The following TG variants were observed in gnomAD, a reference collection of about 807,000 sequenced individuals.
The protein encoded by TG is thyroglobulin, also known as thyroid hormones.
In TG, 270 loss-of-function variants were observed where a neutral mutation model predicts 324.7. The ratio of observed to expected loss-of-function variants is 0.83; its 90% CI spans 0.75 to 0.92. The LOEUF is 0.92. TG is among the 40% of genes least tolerant of loss of function. The probability of loss-of-function intolerance (pLI) is 0.00; values close to 1 mark genes in which losing one functional copy is unlikely to be tolerated. For missense variants in TG, 3,591 were observed against 3,456.4 expected (o/e 1.04, Z -0.98); for synonymous variants, 1,401 against 1,327.0 (o/e 1.06, Z -1.21).
At chr8:132,982,858 C>A (rs531335571) in intron 34 of TG, among the ~76,000 whole-genome samples, 3 of 152,184 alleles carry the variant, frequency 2.0e-5, no homozygotes. Context: ...CCACACGTTT[C>A]GACTCTCTGC....
chr8:133,117,515 C>T (rs1850797200), intron 45 of TG, among the ~76,000 whole-genome samples: 1 of 152,174 alleles, frequency 6.6e-6, no homozygotes, highest in Non-Finnish European at 1.5e-5. Context: ...GCCATTCATC[C>T]ATGTGGGAAA....
intron 6 of TG, among the ~76,000 whole-genome samples, chr8:132,882,244 A>G (rs1259108867): frequency 6.6e-6 from 1 of 152,236 alleles, no homozygotes; most frequent in Non-Finnish European, 1.5e-5. Context: ...GGAGCACAGG[A>G]TGGATTTAAT....
chr8:133,109,374 G>C (rs1228770115), intron 43 of TG, among the ~76,000 whole-genome samples: 2 of 152,202 alleles, frequency 1.3e-5, no homozygotes, highest in African/African-American at 4.8e-5. Flanking sequence ...TTCAATAGCT[G>C]TTATCCAGGC....
At chr8:132,959,498 A>T (rs1005563359) in intron 27 of TG, among the ~76,000 whole-genome samples, 3 of 152,224 alleles carry the variant, frequency 2.0e-5, no homozygotes, top group African/African-American at 7.2e-5. Context: ...TGATGCTGGG[A>T]CTTTTTTTGT....
In TG at chr8:133,039,970, CACACACACAT is replaced by C. The variant is rs771817597; in HGVS notation, c.7239+9956_7239+9965del. On this transcript the variant is annotated intron_variant, in intron 41 of 47. Transcript: ENST00000220616. ...ACTTGCATGCACACACACACACACA[CACACACACAT>C]ACACACACCATACTCACCTGGACAC... The C allele has an allele frequency of 4.1e-4, 610 of 1,494,878 alleles. 1 individual carries two copies. The highest frequency in any genetic ancestry group is 1.6e-3 in the East Asian group (58 of 37,104). The allele number at this position is 1,494,878 out of a possible 1,614,324, so 92.6% of individuals were successfully genotyped here. A position where few individuals can be genotyped will look rare whatever the true frequency, so the allele number is the denominator to read the frequency against.
chr8:133,125,139 T>G (rs1214187102), intron 45 of TG, among the ~76,000 whole-genome samples: 1 of 152,218 alleles, frequency 6.6e-6, no homozygotes, highest in African/African-American at 2.4e-5. Context: ...CAGATCCCCT[T>G]CCAGGTCCTA....
In TG at chr8:132,911,298, T is replaced by C. The variant is rs370512262; in HGVS notation, c.4003-79T>C. On this transcript the variant is annotated intron_variant, in intron 18 of 47. Transcript: ENST00000220616. Reference sequence around the variant, plus strand: ...ATTGAAGGAAGTAACATAAGCCAAGTTCTGGTTCCTGGTGTGGACCCAACA... The same window carrying C: ...ATTGAAGGAAGTAACATAAGCCAAGCTCTGGTTCCTGGTGTGGACCCAACA... The C allele has an allele frequency of 1.5e-5, 25 of 1,613,222 alleles. No homozygotes were observed. The African/African-American group carries it at 1.9e-4, about 12-fold the overall frequency.
intron 17 of TG, 111 bp from the exon 18 acceptor site, chr8:132,908,075 T>G: frequency 8.1e-7 from 1 of 1,233,428 alleles, no homozygotes; most frequent in Non-Finnish European, 1.2e-6. Flanking sequence ...TGGCAGTGCT[T>G]ATGTGTTTTG....
chr8:133,057,733 T>A (rs1419404084), intron 41 of TG, among the ~76,000 whole-genome samples: 1 of 146,118 alleles, frequency 6.8e-6, no homozygotes, highest in African/African-American at 2.5e-5. Context: ...AATTGACTAA[T>A]CAAGAATATT....
chr8:133,003,063 T>A, intron 35 of TG: 1 of 1,065,514 alleles, frequency 9.4e-7, no homozygotes, highest in Non-Finnish European at 1.1e-6. Context: ...CTCTTTCCCT[T>A]TGTGTTTGTC....
chr8:132,871,650 A>C (rs878905559), intron 4 of TG, 99 bp downstream of exon 4: 1 of 1,210,282 alleles, frequency 8.3e-7, no homozygotes, highest in Non-Finnish European at 1.2e-6. Context: ...CGAAGTGGGC[A>C]GAGAACCAGG....
rs1350644702 is a variant in TG, at chr8:132,888,455, A to G, written c.2648A>G (p.Tyr883Cys). ...NGQLSQYPGS[Y>C]SDFSTPLAHF... ...CAACTCAGCCAATACCCGGGGTCCTACTCAGACTTCAGCACTCCTTTGGCA... is the reference window on the plus strand; with the variant it reads ...CAACTCAGCCAATACCCGGGGTCCTGCTCAGACTTCAGCACTCCTTTGGCA... The change falls in exon 10 of 48, where the codon TAC becomes TGC. Residue 883 changes from tyrosine (Y) to cysteine (C), a missense_variant. Transcript: ENST00000220616. 1.2e-6 allele frequency: 2 copies of G among 1,612,028 alleles called. No individual in the cohort carries two copies. The highest frequency in any genetic ancestry group is 2.2e-5 in the South Asian group (2 of 90,782).
chr8:133,072,640 C>G (rs566475196), intron 41 of TG, among the ~76,000 whole-genome samples: 4 of 152,306 alleles, frequency 2.6e-5, no homozygotes, highest in African/African-American at 7.2e-5. Flanking sequence ...ACATAAAACC[C>G]AGCAGCATCT....
chr8:132,915,951 A>G (rs920337504), intron 20 of TG, among the ~76,000 whole-genome samples: 5 of 152,354 alleles, frequency 3.3e-5, no homozygotes, highest in Admixed American at 3.3e-4. Flanking sequence ...AATTTTCTTC[A>G]GCATCAGTTC....
chr8:132,941,391 C>T lies in TG; in HGVS notation c.5082C>T (p.Pro1694=). The T allele has an allele frequency of 6.2e-7, 1 of 1,614,222 alleles. No individual in the cohort carries two copies. Among genetic ancestry groups the T allele is most frequent in the Non-Finnish European group, 8.5e-7 (1 of 1,180,050 alleles). ...CAACACTTCAGAAACGCTTTGAACC[C>T]ACTGGTTTCCAAAACATGCTTTCTG... is the stretch of plus-strand genomic sequence containing the variant. ...STTTLQKRFE[P]TGFQNMLSGL... is the part of the protein sequence containing the mutation. Residue 1694 remains proline, a synonymous_variant, in exon 26 of 48, where the codon CCC becomes CCT. Transcript: ENST00000220616.
Position 132,869,750 on chromosome 8 carries a change from C to T in TG, c.198C>T (p.Asp66=), listed in dbSNP as rs141082783. ...TCAGGACTGTCCAGTGCCAGAACGACGGCCGCTCCTGCTGGTGTGTGGGTG... is the reference window on the plus strand; with the variant it reads ...TCAGGACTGTCCAGTGCCAGAACGATGGCCGCTCCTGCTGGTGTGTGGGTG... ...GSFQTVQCQN[D]GRSCWCVGAN... Residue 66 remains aspartate (D), a synonymous_variant, in exon 3 of 48, where the codon GAC becomes GAT. Coordinates refer to ENST00000220616, the MANE Select transcript of TG (RefSeq NM_003235.5). The T allele has an allele frequency of 3.1e-4, 502 of 1,614,202 alleles. 1 individual carries two copies. Among genetic ancestry groups the T allele is most frequent in the Non-Finnish European group, 3.8e-4 (448 of 1,180,038 alleles).
intron 38 of TG, among the ~76,000 whole-genome samples, chr8:133,018,646 T>A (rs1386077793): frequency 6.6e-6 from 1 of 152,148 alleles, no homozygotes; most frequent in Non-Finnish European, 1.5e-5. Flanking sequence ...AGAACAATAT[T>A]GTGATTTTTT....
intron 26 of TG, among the ~76,000 whole-genome samples, chr8:132,944,457 C>T (rs190515196): frequency 1.8e-4 from 28 of 152,270 alleles, no homozygotes; most frequent in Admixed American, 9.8e-4. Context: ...ATCCATCTCC[C>T]TGGTGGATTC....
intron 34 of TG, among the ~76,000 whole-genome samples, chr8:132,974,141 C>T (rs1439486623): frequency 6.6e-6 from 1 of 151,754 alleles, no homozygotes; most frequent in Non-Finnish European, 1.5e-5. Context: ...TTACAGGCCC[C>T]CACCACCATG....
Sources: gnomAD v4.1 joint callset for allele counts (sites outside exome capture counted in the v4.1 genomes callset) on GRCh38, gnomAD v4.1.1 for gene constraint, MANE v1.5 for transcripts, NCBI Gene and HGNC (gene_info 2026-07-23, HGNC 2026-07-21) for gene names.